CELSR1: variants seen among roughly 807,000 people sequenced by gnomAD.
The protein encoded by CELSR1 is adhesion G protein-coupled receptor C1.
CELSR1 carries 110 observed loss-of-function variants against 249.1 expected under a neutral mutation model. The observed-to-expected ratio is 0.44, with a 90% confidence interval of 0.38 to 0.52. The LOEUF is 0.52. Among genes scored for constraint, CELSR1 ranks in the 20% least tolerant of loss-of-function variants. CELSR1 has a pLI of 0.00. For missense variants in CELSR1, 4,109 were observed against 4,296.4 expected (o/e 0.96, Z 1.22); for synonymous variants, 2,113 against 1,900.0 (o/e 1.11, Z -2.92).
At chr22:46,375,780 A>C (rs118106157) in intron 24 of CELSR1, among the ~76,000 whole-genome samples, 5,485 of 152,238 alleles carry the variant, frequency 0.036, 137 homozygotes, top group Non-Finnish European at 0.056. Flanking sequence ...CTTGACCTCA[A>C]GTGATCTGCC....
At position 46,464,133 on chromosome 22, in the gene CELSR1, C is replaced by T. The variant is rs775911805; in HGVS notation, c.3757G>A (p.Val1253Ile). 9 of 1,613,704 alleles carry T rather than the reference C, an allele frequency of 5.6e-6. No homozygotes were observed. The highest frequency in any genetic ancestry group is 2.7e-5 in the African/African-American group (2 of 74,938). The change falls in exon 2 of 35, where the codon GTC (valine) becomes ATC (isoleucine). Residue 1253 changes from valine to isoleucine, a missense_variant. By Grantham distance (29) the Val-to-Ile change is conservative. Transcript: ENST00000674500. The surrounding 1 kb of genome is among the most constrained non-coding windows in gnomAD (Gnocchi z 8.5). ...FVFNVQNDTD[V>I]SSNILNVTFS... ...GTCACGTTCAGGATGTTGGAGCTGACGTCGGTGTCGTTCTGGACGTTGAAG... is the reference window on the plus strand; with the variant it reads ...GTCACGTTCAGGATGTTGGAGCTGATGTCGGTGTCGTTCTGGACGTTGAAG...
At position 46,458,451 on chromosome 22, in the gene CELSR1, G is replaced by A. The variant is rs539821178; in HGVS notation, c.4183+5256C>T. 1.3e-4 allele frequency among the ~76,000 whole-genome samples: 20 copies of A among 152,364 alleles called. No homozygotes were observed. The South Asian group carries it at 4.1e-3, about 32-fold the overall frequency. On this transcript the variant is annotated intron_variant, in intron 2 of 34. Transcript: ENST00000674500. ...ACCAAGGTGATAACATGAAAACAGG[G>A]ACAGGCAGCAGAGAGAAGAACTGGG...
At position 46,409,548 on chromosome 22, in the gene CELSR1, G is replaced by A. The variant is rs1209860272; in HGVS notation, c.5059+207C>T. Reference sequence around the variant, plus strand: ...TACCTGTCCCACCCCACACCTGAGGGACTGGGGACCCCAGAAGCAGGAGCA... The same window carrying A: ...TACCTGTCCCACCCCACACCTGAGGAACTGGGGACCCCAGAAGCAGGAGCA... On this transcript the variant is annotated intron_variant, in intron 8 of 34. Transcript: ENST00000674500. This position sits in a 1 kb window ranked among gnomAD's most constrained non-coding sequence, Gnocchi z 9.8. Among the ~76,000 whole-genome samples the A allele has an allele frequency of 6.6e-6, 1 of 152,154 alleles. No homozygotes were observed. Among genetic ancestry groups the A allele is most frequent in the African/African-American group, 2.4e-5 (1 of 41,422 alleles).
chr22:46,400,731 T>G lies in CELSR1; in HGVS notation c.5227-829A>C, dbSNP rs138627150. On this transcript the variant is annotated intron_variant, in intron 9 of 34. Coordinates refer to ENST00000674500, the MANE Select transcript of CELSR1 (RefSeq NM_001378328.1). Reference sequence around the variant, plus strand: ...CTTTGGGAAGCCAAGGCGGGTGGATTGCTTGAGGCCAGGAGGTCAAGGCCA... The same window carrying G: ...CTTTGGGAAGCCAAGGCGGGTGGATGGCTTGAGGCCAGGAGGTCAAGGCCA... Among the ~76,000 whole-genome samples, 449 of 152,110 alleles carry G rather than the reference T, an allele frequency of 3.0e-3. 5 individuals carry two copies. Among genetic ancestry groups the G allele is most frequent in the African/African-American group, 0.011 (437 of 41,504 alleles).
At position 46,471,522 on chromosome 22, in the gene CELSR1, T is replaced by C. The variant is rs959481867; in HGVS notation, c.3545-7177A>G. 6.6e-6 allele frequency among the ~76,000 whole-genome samples: 1 copy of C among 152,154 alleles called. No homozygotes were observed. The highest frequency in any genetic ancestry group is 1.5e-5 in the Non-Finnish European group (1 of 68,032). On this transcript the variant is annotated intron_variant, in intron 1 of 34. Transcript: ENST00000674500. The surrounding 1 kb of genome is among the most constrained non-coding windows in gnomAD (Gnocchi z 4.9). ...CTCCTGCCTCAGCCTCCTGAGAAGC[T>C]AGGACTACAGGAGCATGCCACCATG... is the stretch of plus-strand genomic sequence containing the variant.
intron 2 of CELSR1, among the ~76,000 whole-genome samples, chr22:46,460,201 A>AGACACC (rs1569179832): frequency 3.2e-5 from 4 of 124,496 alleles, no homozygotes; most frequent in Non-Finnish European, 5.0e-5. Context: ...ACACACACAC[A>AGACACC]CACACACACA....
intron 2 of CELSR1, among the ~76,000 whole-genome samples, chr22:46,443,906 G>GTTTGCTTT (rs1252648989): frequency 7.2e-5 from 11 of 152,240 alleles, no homozygotes; most frequent in Non-Finnish European, 1.5e-4. Flanking sequence ...ATTTGGGAGT[G>GTTTGCTTT]TTTGCTTTCC....
At chr22:46,523,829 C>T (rs1394803597) in intron 1 of CELSR1, among the ~76,000 whole-genome samples, 1 of 152,120 alleles carries the variant, frequency 6.6e-6, no homozygotes, top group Admixed American at 6.5e-5. Flanking sequence ...GTCCTTCACT[C>T]TACAGCTTCT....
At position 46,449,219 on chromosome 22, in the gene CELSR1, A is replaced by G. The variant is rs148877291; in HGVS notation, c.4184-9808T>C. On this transcript the variant is annotated intron_variant, in intron 2 of 34. Coordinates refer to ENST00000674500, the MANE Select transcript of CELSR1 (RefSeq NM_001378328.1). ...CATCCATCCATCCATCCGACCACCC[A>G]TCACACATCCATCCAGCCATCCAAC... Among the ~76,000 whole-genome samples the G allele has an allele frequency of 3.2e-4, 48 of 151,228 alleles. 1 individual carries two copies. In the East Asian group the frequency reaches 7.8e-3, roughly 25 times the overall value.
intron 1 of CELSR1, among the ~76,000 whole-genome samples, chr22:46,513,911 G>GC (rs11412661): frequency 0.12 from 18,533 of 150,982 alleles, 1,223 homozygotes; most frequent in South Asian, 0.24. Context: ...TCCTGCCTCA[G>GC]CCCCCCCCGA....
chr22:46,403,971 C>CAAAA (rs756055741), intron 9 of CELSR1, among the ~76,000 whole-genome samples: 3 of 48,406 alleles, frequency 6.2e-5, no homozygotes, highest in South Asian at 7.1e-4. Flanking sequence ...AACTCCGTCT[C>CAAAA]AAAAAAAAAA....
In CELSR1 at chr22:46,517,979, T is replaced by C. The variant is rs1194399783; in HGVS notation, c.3544+15648A>G. On this transcript the variant is annotated intron_variant, in intron 1 of 34. Coordinates refer to ENST00000674500, the MANE Select transcript of CELSR1 (RefSeq NM_001378328.1). The surrounding 1 kb of genome is among the most constrained non-coding windows in gnomAD (Gnocchi z 5.4). The stretch of plus-strand genomic sequence containing the variant: ...GTGCAATGGCAGGATTTTGGCTCAC[T>C]GCAACCTCTGCCTCCTGCGTTCAAG... Among the ~76,000 whole-genome samples the C allele has an allele frequency of 6.6e-6, 1 of 151,520 alleles. No homozygotes were observed. The highest frequency in any genetic ancestry group is 2.1e-4 in the South Asian group (1 of 4,786).
chr22:46,509,062 C>T (rs1382369813), intron 1 of CELSR1, among the ~76,000 whole-genome samples: 4 of 152,176 alleles, frequency 2.6e-5, no homozygotes, highest in African/African-American at 7.2e-5. Context: ...CATCATCACA[C>T]GACACCTCCT....
intron 2 of CELSR1, among the ~76,000 whole-genome samples, chr22:46,449,829 G>A (rs2079861682): frequency 6.6e-6 from 1 of 152,126 alleles, no homozygotes; most frequent in African/African-American, 2.4e-5. Context: ...GACCAGAAAG[G>A]GTGGGCACAG....
chr22:46,406,936 A>T lies in CELSR1; in HGVS notation c.5226+2060T>A, dbSNP rs1207188294. Among the ~76,000 whole-genome samples, 1 of 152,244 alleles carries T rather than the reference A, an allele frequency of 6.6e-6. No individual in the cohort carries two copies. The highest frequency in any genetic ancestry group is 1.9e-4 in the East Asian group (1 of 5,196). On this transcript the variant is annotated intron_variant, in intron 9 of 34. Transcript: ENST00000674500. The surrounding 1 kb of genome is among the most constrained non-coding windows in gnomAD (Gnocchi z 5.4). ...CAATAAGGCATGGCTCCGCCACGGC[A>T]CACAGCTGATGGCGGAGGACACGCA... is the stretch of plus-strand genomic sequence containing the variant.
chr22:46,413,192 G>A lies in CELSR1; in HGVS notation c.4612-1433C>T, dbSNP rs1337897776. 1.3e-5 allele frequency among the ~76,000 whole-genome samples: 2 copies of A among 152,178 alleles called. No homozygotes were observed. Among genetic ancestry groups the A allele is most frequent in the African/African-American group, 4.8e-5 (2 of 41,442 alleles). ...TTAATAGGAAAATAACAACCACATA[G>A]TTCATTCAAAAATAAATCTTCAGTT... On this transcript the variant is annotated intron_variant, in intron 5 of 34. Transcript: ENST00000674500. This position sits in a 1 kb window ranked among gnomAD's most constrained non-coding sequence, Gnocchi z 4.7.
chr22:46,377,048 AG>A lies in CELSR1; in HGVS notation c.7584+12del. On this transcript the variant is annotated intron_variant, in intron 24 of 34. Transcript: ENST00000674500. The stretch of plus-strand genomic sequence containing the variant: ...CGGCCCAGACAGTGGGGAGGGGAGC[AG>A]AGTGGCCATACCGGGTTTTCCGTCT... 1 of 1,611,876 alleles carries A rather than the reference AG, an allele frequency of 6.2e-7. No homozygotes were observed. Among genetic ancestry groups the A allele is most frequent in the Non-Finnish European group, 8.5e-7 (1 of 1,179,692 alleles).
In CELSR1 at chr22:46,410,580, C is replaced by T; in HGVS notation, c.4770-19G>A. ...CAGGGACCTGGGTAGGTAAAGCCAT[C>T]TTCTGTGACGTCAGGGCGGGGAGAG... is the stretch of plus-strand genomic sequence containing the variant. On this transcript the variant is annotated intron_variant, in intron 6 of 34. Coordinates refer to ENST00000674500, the MANE Select transcript of CELSR1 (RefSeq NM_001378328.1). The surrounding 1 kb of genome is among the most constrained non-coding windows in gnomAD (Gnocchi z 6.8). 6.2e-7 allele frequency: 1 copy of T among 1,608,898 alleles called. No individual in the cohort carries two copies.
chr22:46,380,532 G>T lies in CELSR1; in HGVS notation c.7256+256C>A, dbSNP rs2078966181. Among the ~76,000 whole-genome samples, 1 of 152,346 alleles carries T rather than the reference G, an allele frequency of 6.6e-6. No individual in the cohort carries two copies. The highest frequency in any genetic ancestry group is 1.9e-4 in the East Asian group (1 of 5,186). On this transcript the variant is annotated intron_variant, in intron 22 of 34. Transcript: ENST00000674500. The surrounding 1 kb of genome is among the most constrained non-coding windows in gnomAD (Gnocchi z 5.1). ...CCCTTCCTGGGTGTCAGCCTTGAGG[G>T]ATCTCTCTGTGCGCCTGCACATCTG...
Sources: gnomAD v4.1 joint callset for allele counts (sites outside exome capture counted in the v4.1 genomes callset) on GRCh38, gnomAD v4.1.1 for gene constraint, Gnocchi (gnomAD v3.1) non-coding constraint, MANE v1.5 for transcripts, NCBI Gene and HGNC (gene_info 2026-07-23, HGNC 2026-07-21) for gene names.